The following OGA variants were observed in gnomAD, a reference collection of about 807,000 sequenced individuals.
The protein encoded by OGA is protein O-GlcNAcase.
A neutral mutation model predicts 102.0 loss-of-function variants in OGA; 21 were observed. That is an observed-to-expected ratio of 0.21 (90% CI 0.15 to 0.30). The LOEUF (loss-of-function observed/expected upper bound fraction) is 0.30, where lower values mean the gene tolerates loss of function less well. Among genes scored for constraint, OGA ranks in the 10% least tolerant of loss-of-function variants. OGA has a pLI of 1.00. For missense variants in OGA, 765 were observed against 1,107.8 expected, an observed-to-expected ratio of 0.69 and a Z score of 4.39; for synonymous variants, 408 against 378.2, an observed-to-expected ratio of 1.08 and a Z score of -0.91.
Position 101,818,099 on chromosome 10 carries a change from G to A in OGA, c.-77C>T. 3.5e-6 allele frequency: 5 copies of A among 1,440,426 alleles called. No individual in the cohort carries two copies. The highest frequency in any genetic ancestry group is 9.1e-7 in the Non-Finnish European group (1 of 1,095,856). 89.2% of individuals were successfully genotyped at this position (1,440,426 alleles called of 1,614,324 possible). A position where few individuals can be genotyped will look rare whatever the true frequency, so the allele number is the denominator to read the frequency against. ...CGTTGGGGCACCGGCCCGGAGCCCT[G>A]GAGAGGGCTTCAGCTCCAAGTGTGC... On this transcript the variant is annotated 5_prime_UTR_variant, in exon 1 of 16. Coordinates refer to ENST00000361464, the MANE Select transcript of OGA (RefSeq NM_012215.5).
chr10:101,801,811 C>T (rs1341851461), intron 7 of OGA, among the ~76,000 whole-genome samples: 1 of 152,182 alleles, frequency 6.6e-6, no homozygotes, highest in South Asian at 2.1e-4. Flanking sequence ...TATCATGACA[C>T]TTCAGTAGCC....
intron 14 of OGA, among the ~76,000 whole-genome samples, chr10:101,790,044 TA>T (rs1256211715): frequency 6.6e-6 from 1 of 152,286 alleles, no homozygotes. Flanking sequence ...ACATGGGGCA[TA>T]AAACTTTTTT....
chr10:101,806,199 C>CT (rs371903414), intron 5 of OGA, 56 bp from the exon 6 acceptor site: 1 of 1,135,110 alleles, frequency 8.8e-7, no homozygotes, highest in South Asian at 1.3e-5. Context: ...TGGGTTTTCT[C>CT]TTTGTTTGTT....
Position 101,786,556 on chromosome 10 carries a change from T to C in OGA, c.2646A>G (p.Pro882=). The change falls in exon 16 of 16, where the codon CCA becomes CCG. Residue 882 remains proline (P), a synonymous_variant. Transcript: ENST00000361464. ...AAAATTCCAGAATTCTTTTATCATC[T>C]GGTCTCACTTCACAGAAAGCTCCCC... is the stretch of plus-strand genomic sequence containing the variant. ...GSRGAFCEVR[P]DDKRILEFYS... 1.9e-6 allele frequency: 3 copies of C among 1,609,366 alleles called. 1 individual carries two copies. Among genetic ancestry groups the C allele is most frequent in the Non-Finnish European group, 2.5e-6 (3 of 1,178,392 alleles).
At chr10:101,799,507 T>C (rs2065361981) in intron 8 of OGA, 52 bp from the exon 9 acceptor site, 1 of 1,516,516 alleles carries the variant, frequency 6.6e-7, no homozygotes, top group African/African-American at 1.4e-5. Context: ...ATAATCAGAA[T>C]TAGAGATAGA....
chr10:101,790,109 C>G (rs2065239801), intron 14 of OGA, among the ~76,000 whole-genome samples: 1 of 151,972 alleles, frequency 6.6e-6, no homozygotes, highest in South Asian at 2.1e-4. Context: ...AAGAAGTGCT[C>G]CTATCACAAA....
intron 14 of OGA, among the ~76,000 whole-genome samples, chr10:101,788,569 T>C (rs1167626951): frequency 6.6e-6 from 1 of 151,504 alleles, no homozygotes; most frequent in African/African-American, 2.4e-5. Context: ...ACCCCGTATC[T>C]AGTAAAAATA....
Position 101,818,181 on chromosome 10 carries a change from C to T in OGA, c.-159G>A, listed in dbSNP as rs1023060881. On this transcript the variant is annotated 5_prime_UTR_variant, in exon 1 of 16. Transcript: ENST00000361464. Reference sequence around the variant, plus strand: ...CCTTCCCCCTCCCTCTCCGCAGGGACCCGAATGCCCGGATGAGAAGGGCGG... The same window carrying T: ...CCTTCCCCCTCCCTCTCCGCAGGGATCCGAATGCCCGGATGAGAAGGGCGG... The T allele has an allele frequency of 5.9e-6, 8 of 1,356,984 alleles. No individual in the cohort carries two copies. The African/African-American group carries it at 7.7e-5, about 13-fold the overall frequency. 84.1% of individuals were successfully genotyped at this position (1,356,984 alleles called of 1,614,324 possible). A position where few individuals can be genotyped will look rare whatever the true frequency, so the allele number is the denominator to read the frequency against.
intron 10 of OGA, chr10:101,797,238 CCATTA>C (rs1459372146): frequency 2.0e-5 from 3 of 151,936 alleles, no homozygotes; most frequent in African/African-American, 7.3e-5. Context: ...GTATATAAGT[CCATTA>C]CATATTCCTT....
chr10:101,801,885 G>A (rs932322042), intron 7 of OGA, among the ~76,000 whole-genome samples: 5 of 152,166 alleles, frequency 3.3e-5, no homozygotes, highest in Non-Finnish European at 7.3e-5. Flanking sequence ...AGTGGCTCAC[G>A]CCTGTAATCC....
In OGA at chr10:101,812,038, T is replaced by G. The variant is rs1165708692; in HGVS notation, c.349+992A>C. Among the ~76,000 whole-genome samples, 5 of 152,212 alleles carry G rather than the reference T, an allele frequency of 3.3e-5. No individual in the cohort carries two copies. In the East Asian group the frequency reaches 9.6e-4, roughly 29 times the overall value. ...ATGGGGTAAGCTGTAATTGCTTCTT[T>G]GTAATTCAAGAAAACTTTCAGCCTT... On this transcript the variant is annotated intron_variant, in intron 3 of 15. Coordinates refer to ENST00000361464, the MANE Select transcript of OGA (RefSeq NM_012215.5).
Position 101,793,722 on chromosome 10 carries a change from G to A in OGA, c.2070+191C>T, listed in dbSNP as rs180744639. 2.5e-3 allele frequency: 1,272 copies of A among 518,030 alleles called. 27 individuals carry two copies. In the Admixed American group the frequency reaches 0.036, roughly 15 times the overall value. The allele number at this position is 518,030 out of a possible 1,614,324, so 32.1% of individuals were successfully genotyped here. A position where few individuals can be genotyped will look rare whatever the true frequency, so the allele number is the denominator to read the frequency against. On this transcript the variant is annotated intron_variant, in intron 11 of 15. Coordinates refer to ENST00000361464, the MANE Select transcript of OGA (RefSeq NM_012215.5). ...GCGCTTCGCAGGCGCGGGGGGGATTGGCAGCATCTCCTTCAGAAATTACTG... is the reference window on the plus strand; with the variant it reads ...GCGCTTCGCAGGCGCGGGGGGGATTAGCAGCATCTCCTTCAGAAATTACTG...
chr10:101,800,018 G>A (rs1395366642), intron 8 of OGA, among the ~76,000 whole-genome samples: 2 of 152,158 alleles, frequency 1.3e-5, no homozygotes, highest in Non-Finnish European at 2.9e-5. Context: ...GACGACAGGC[G>A]CATGCCACCA....
chr10:101,811,596 G>C (rs2065559520), intron 3 of OGA, among the ~76,000 whole-genome samples: 1 of 151,778 alleles, frequency 6.6e-6, no homozygotes, highest in South Asian at 2.1e-4. Context: ...CCAGCTACTT[G>C]GGGGACTGAG....
Position 101,792,962 on chromosome 10 carries a change from G to A in OGA, c.2071-19C>T. On this transcript the variant is annotated intron_variant, in intron 11 of 15. Transcript: ENST00000361464. Reference sequence around the variant, plus strand: ...GCAAACGCTGTGGGAAGAAAAAAAAGGAGATGGATTAGTTTGGGGAAGGTA... The same window carrying A: ...GCAAACGCTGTGGGAAGAAAAAAAAAGAGATGGATTAGTTTGGGGAAGGTA... 1.9e-6 allele frequency: 3 copies of A among 1,590,526 alleles called. No individual in the cohort carries two copies. Among genetic ancestry groups the A allele is most frequent in the Non-Finnish European group, 2.6e-6 (3 of 1,158,862 alleles).
chr10:101,796,761 T>C (rs1190167636), intron 10 of OGA, among the ~76,000 whole-genome samples: 1 of 152,034 alleles, frequency 6.6e-6, no homozygotes, highest in Non-Finnish European at 1.5e-5. Context: ...TTAGTAGAGA[T>C]AGGGTTTCAC....
At chr10:101,808,889 G>A (rs1244113141) in intron 4 of OGA, among the ~76,000 whole-genome samples, 1 of 151,996 alleles carries the variant, frequency 6.6e-6, no homozygotes, top group Admixed American at 6.6e-5. Flanking sequence ...AGAATTGCTT[G>A]AACCCAGGAG....
chr10:101,801,807 G>A (rs2065396094), intron 7 of OGA, among the ~76,000 whole-genome samples: 1 of 152,192 alleles, frequency 6.6e-6, no homozygotes, highest in African/African-American at 2.4e-5. Flanking sequence ...ATACTATCAT[G>A]ACACTTCAGT....
intron 6 of OGA, 104 bp downstream of exon 6, chr10:101,805,937 AGAGT>A (rs968577917): frequency 2.9e-6 from 2 of 691,166 alleles, no homozygotes; most frequent in Non-Finnish European, 5.1e-6. Context: ...CCTGGGCGAC[AGAGT>A]GAGACTCCGT....
Sources: gnomAD v4.1 joint callset for allele counts (sites outside exome capture counted in the v4.1 genomes callset) on GRCh38, gnomAD v4.1.1 for gene constraint, MANE v1.5 for transcripts, NCBI Gene and HGNC (gene_info 2026-07-23, HGNC 2026-07-21) for gene names.